The following EDA variants were observed in gnomAD, a reference collection of about 807,000 sequenced individuals.
EDA encodes the protein ectodysplasin-A.
A neutral mutation model predicts 23.6 loss-of-function variants in EDA; 2 were observed. The ratio of observed to expected loss-of-function variants is 0.08; its 90% CI spans 0.03 to 0.27. The LOEUF (loss-of-function observed/expected upper bound fraction) is 0.27. Ranked by LOEUF, EDA falls within the 10% of genes least tolerant of loss-of-function variation. EDA has a pLI of 1.00. For missense variants in EDA, 229 were observed against 324.2 expected (o/e 0.71, Z 2.26); for synonymous variants, 131 against 132.0 (o/e 0.99, Z 0.05).
At chrX:69,837,117 T>A (rs1210969574) in intron 1 of EDA, among the ~76,000 whole-genome samples, 1 of 112,035 alleles carries the variant, frequency 8.9e-6, no homozygotes, top group African/African-American at 3.2e-5. Flanking sequence ...ATACCATGCA[T>A]AATAATCACA....
chrX:70,003,007 C>T (rs1182242676), intron 2 of EDA, among the ~76,000 whole-genome samples: 4 of 112,051 alleles, frequency 3.6e-5, no homozygotes, highest in Non-Finnish European at 5.6e-5. Flanking sequence ...TATACAGGAC[C>T]GTCCTTTATA....
chrX:69,772,084 C>G (rs1455012887), intron 1 of EDA, among the ~76,000 whole-genome samples: 1 of 111,746 alleles, frequency 8.9e-6, no homozygotes, highest in Non-Finnish European at 1.9e-5. Context: ...TCCTGAGTAG[C>G]TGGGACTATA....
At chrX:69,751,867 G>A (rs1248672544) in intron 1 of EDA, among the ~76,000 whole-genome samples, 1 of 107,685 alleles carries the variant, frequency 9.3e-6, no homozygotes. Flanking sequence ...ACAGAATCCT[G>A]TTCTGTTATA....
At chrX:69,801,839 A>T (rs920146137) in intron 1 of EDA, among the ~76,000 whole-genome samples, 4 of 112,071 alleles carry the variant, frequency 3.6e-5, no homozygotes, top group African/African-American at 1.3e-4. Context: ...AAAATCACCA[A>T]GTCTGACAGT....
chrX:69,850,331 C>T (rs1456262497), intron 1 of EDA, among the ~76,000 whole-genome samples: 1 of 112,068 alleles, frequency 8.9e-6, no homozygotes, highest in Non-Finnish European at 1.9e-5. Context: ...ACTTTTTGCC[C>T]TTTTACAAGG....
intron 1 of EDA, among the ~76,000 whole-genome samples, chrX:69,782,366 TA>T (rs751293381): frequency 0.052 from 3,395 of 65,205 alleles, 100 homozygotes; most frequent in African/African-American, 0.12. Flanking sequence ...TAAATGCTCT[TA>T]AAAAAAAAAA....
intron 1 of EDA, among the ~76,000 whole-genome samples, chrX:69,708,160 G>T (rs1456334013): frequency 3.6e-5 from 4 of 111,921 alleles, no homozygotes; most frequent in Non-Finnish European, 7.5e-5. Context: ...GTTTAATTGA[G>T]GAAAGAATGA....
At chrX:69,643,457 AT>A (rs894995440) in intron 1 of EDA, among the ~76,000 whole-genome samples, 13 of 109,705 alleles carry the variant, frequency 1.2e-4, no homozygotes, top group East Asian at 8.6e-4. Context: ...TTGTTTGTTT[AT>A]TTTTTTCTTG....
At chrX:69,706,061 G>A (rs2011709144) in intron 1 of EDA, among the ~76,000 whole-genome samples, 1 of 112,272 alleles carries the variant, frequency 8.9e-6, no homozygotes, top group Admixed American at 9.4e-5. Flanking sequence ...TTCTTCCGGT[G>A]CAGAGACAGA....
chrX:69,693,323 C>A (rs961055541), intron 1 of EDA, among the ~76,000 whole-genome samples: 8 of 111,696 alleles, frequency 7.2e-5, no homozygotes, highest in East Asian at 2.8e-4. Flanking sequence ...CTTCTTCACA[C>A]AGGCCAAAAT....
chrX:69,696,826 T>G (rs756208944), intron 1 of EDA, among the ~76,000 whole-genome samples: 1 of 112,679 alleles, frequency 8.9e-6, no homozygotes, highest in Non-Finnish European at 1.9e-5. Context: ...CTATACTGTT[T>G]GAAAACAAGA....
intron 1 of EDA, among the ~76,000 whole-genome samples, chrX:69,707,462 C>T (rs1368990401): frequency 1.8e-5 from 2 of 111,975 alleles, no homozygotes; most frequent in Non-Finnish European, 3.8e-5. Flanking sequence ...TTTTCCAATT[C>T]TCTGGCTGTT....
intron 1 of EDA, among the ~76,000 whole-genome samples, chrX:69,849,972 T>C: frequency 8.9e-6 from 1 of 111,750 alleles, no homozygotes; most frequent in Non-Finnish European, 1.9e-5. Context: ...TTAAATAATG[T>C]TTTTTTACTC....
rs1325541568 is a variant in EDA at position 69,790,898 on chromosome X, C to T, written c.397-166129C>T. ...CTCTAATTTGTGTAATCTTTTCACA[C>T]ATATACCCCTCAAAACAGGCAACTG... On this transcript the variant is annotated intron_variant, in intron 1 of 7. Coordinates refer to ENST00000374552, the MANE Select transcript of EDA (RefSeq NM_001399.5). Among the ~76,000 whole-genome samples, 3 of 110,371 alleles carry T rather than the reference C, an allele frequency of 2.7e-5. No individual in the cohort carries two copies. The East Asian group carries it at 8.5e-4, about 31-fold the overall frequency.
intron 1 of EDA, among the ~76,000 whole-genome samples, chrX:69,728,113 C>T (rs760314189): frequency 2.1e-4 from 23 of 109,907 alleles, no homozygotes; most frequent in African/African-American, 6.6e-4. Flanking sequence ...GGCATGGTGG[C>T]GCATGCCTGT....
intron 1 of EDA, among the ~76,000 whole-genome samples, chrX:69,750,221 G>A (rs2013785969): frequency 1.2e-5 from 1 of 81,958 alleles, no homozygotes; most frequent in African/African-American, 5.0e-5. Context: ...CCCTCCCTAT[G>A]TACAAGTGTT....
chrX:69,903,194 A>G (rs1430520106), intron 1 of EDA, among the ~76,000 whole-genome samples: 1 of 111,379 alleles, frequency 9.0e-6, no homozygotes, highest in African/African-American at 3.3e-5. Context: ...TGCTACTTAC[A>G]TGTATGCAGC....
At chrX:69,801,062 C>G (rs1435685353) in intron 1 of EDA, among the ~76,000 whole-genome samples, 2 of 111,977 alleles carry the variant, frequency 1.8e-5, no homozygotes, top group African/African-American at 6.5e-5. Flanking sequence ...AAGAACATTT[C>G]CTGGGTGCAG....
chrX:69,698,635 CAG>C (rs2011439928), intron 1 of EDA, among the ~76,000 whole-genome samples: 1 of 111,324 alleles, frequency 9.0e-6, no homozygotes, highest in Non-Finnish European at 1.9e-5. Flanking sequence ...TGGTGTTGCG[CAG>C]AGTCTCATGA....
Sources: gnomAD v4.1 joint callset for allele counts (sites outside exome capture counted in the v4.1 genomes callset) on GRCh38, gnomAD v4.1.1 for gene constraint, MANE v1.5 for transcripts, NCBI Gene and HGNC (gene_info 2026-07-23, HGNC 2026-07-21) for gene names.